ALOX12: variants seen among roughly 807,000 people sequenced by gnomAD.
ALOX12 encodes the protein polyunsaturated fatty acid lipoxygenase ALOX12.
In ALOX12, 62 loss-of-function variants were observed where a neutral mutation model predicts 85.5. That is an observed-to-expected ratio of 0.73 (90% CI 0.59 to 0.90). The LOEUF (loss-of-function observed/expected upper bound fraction) is 0.90. ALOX12 is among the 40% of genes least tolerant of loss of function. The pLI, the probability that ALOX12 is intolerant of heterozygous loss-of-function variation, is 0.00. For synonymous variants in ALOX12, 299 were observed against 332.7 expected (o/e 0.90, Z 1.10); for missense variants, 751 against 856.5 (o/e 0.88, Z 1.54).
chr17:6,997,273 C>G (rs2151638348), intron 2 of ALOX12: 1 of 472,872 alleles, frequency 2.1e-6, no homozygotes, highest in East Asian at 1.5e-4. Flanking sequence ...GAGATCCCAT[C>G]TTCCAAGAAG....
At position 6,996,802 on chromosome 17, in the gene ALOX12, C is replaced by G. The variant is rs761436579; in HGVS notation, c.136-24C>G. 7 of 1,596,314 alleles carry G rather than the reference C, an allele frequency of 4.4e-6. No individual in the cohort carries two copies. In the South Asian group the frequency reaches 6.7e-5, roughly 15 times the overall value. ...CTCAGTCGGGTCCCTCCTACTAAGT[C>G]TGGCCTGGGTCCGGCCTGCACAGGA... On this transcript the variant is annotated intron_variant, in intron 1 of 13. Coordinates refer to ENST00000251535, the MANE Select transcript of ALOX12 (RefSeq NM_000697.3).
intron 8 of ALOX12, among the ~76,000 whole-genome samples, chr17:7,004,553 T>C (rs1908943085): frequency 6.7e-6 from 1 of 150,340 alleles, no homozygotes; most frequent in Non-Finnish European, 1.5e-5. Context: ...AATATTTTAA[T>C]ATTAAAAAAA....
rs753927823 is a variant in ALOX12 at position 7,001,621 on chromosome 17, G to A, written c.971G>A (p.Ser324Asn). 1 of 1,614,072 alleles carries A rather than the reference G, an allele frequency of 6.2e-7. No individual in the cohort carries two copies. The highest frequency in any genetic ancestry group is 8.5e-7 in the Non-Finnish European group (1 of 1,179,962). Reference protein sequence around the residue: ...MVIQIQPPNPSSPTPTLFLPS... With the variant: ...MVIQIQPPNPNSPTPTLFLPS... ...TCCCAGATTCAGCCTCCCAACCCCA[G>A]CTCTCCAACCCCAACACTGTTCCTG... Residue 324 changes from serine to asparagine, a missense_variant, in exon 8 of 14, where the codon AGC becomes AAC. Physicochemically the swap from Ser to Asn is conservative, Grantham distance 46. Transcript: ENST00000251535.
At chr17:7,008,098 T>C (rs1909180309) in intron 11 of ALOX12, among the ~76,000 whole-genome samples, 1 of 152,270 alleles carries the variant, frequency 6.6e-6, no homozygotes, top group African/African-American at 2.4e-5. Flanking sequence ...ATCAAACCCA[T>C]TCAGGAGGGC....
intron 3 of ALOX12, 30 bp from the exon 4 acceptor site, chr17:6,998,685 C>T (rs1406587234): frequency 7.3e-7 from 1 of 1,366,056 alleles, no homozygotes. Flanking sequence ...ACCATGACAT[C>T]CTTCCTGAAG....
rs1480569337 is a variant in ALOX12 at position 6,998,954 on chromosome 17, G to C, written c.544G>C (p.Ala182Pro). Reference protein sequence around the residue: ...LDFEWTLKAGALEMALKRVYT... With the variant: ...LDFEWTLKAGPLEMALKRVYT... ...GTTAAGCCTCAATACCTGTCCTAGG[G>C]CTCTGGAGATGGCCCTCAAACGTGT... Residue 182 changes from alanine to proline, a missense_variant and splice_region_variant, in exon 5 of 14, where the codon GCT becomes CCT. Transcript: ENST00000251535. The C allele has an allele frequency of 1.9e-6, 3 of 1,614,040 alleles. No individual in the cohort carries two copies. In the African/African-American group the frequency reaches 4.0e-5, roughly 22 times the overall value.
intron 2 of ALOX12, 173 bp downstream of exon 2, chr17:6,997,200 CAA>C (rs1908490017): frequency 1.1e-6 from 1 of 945,178 alleles, no homozygotes; most frequent in Admixed American, 6.2e-5. Context: ...TATGAATTCC[CAA>C]AGTTTTACAC....
intron 3 of ALOX12, 54 bp downstream of exon 3, chr17:6,998,644 G>C: frequency 2.7e-6 from 4 of 1,497,754 alleles, no homozygotes; most frequent in Non-Finnish European, 2.7e-6. Flanking sequence ...CCCCTTCCCT[G>C]CCCCTGCCCC....
intron 3 of ALOX12, 38 bp from the exon 4 acceptor site, chr17:6,998,677 C>T (rs765474207): frequency 1.9e-6 from 3 of 1,613,306 alleles, no homozygotes; most frequent in Middle Eastern, 1.7e-4. Context: ...CATCACTGAC[C>T]ATGACATCCT....
At chr17:7,009,007 C>T (rs947821560) in intron 11 of ALOX12, among the ~76,000 whole-genome samples, 3 of 151,640 alleles carry the variant, frequency 2.0e-5, no homozygotes, top group African/African-American at 7.3e-5. Flanking sequence ...CTGCCTTGGC[C>T]TCCCAAAGTG....
At position 7,000,621 on chromosome 17, in the gene ALOX12, C is replaced by A; in HGVS notation, c.951+142C>A. ...TCTTCATGTCACTATTTGCCTGTAC[C>A]CTCGTCTCCCCTGCCTCATCCAACT... On this transcript the variant is annotated intron_variant, in intron 7 of 13. Coordinates refer to ENST00000251535, the MANE Select transcript of ALOX12 (RefSeq NM_000697.3). This position sits in a 1 kb window ranked among gnomAD's most constrained non-coding sequence, Gnocchi z 4.6. 2 of 948,516 alleles carry A rather than the reference C, an allele frequency of 2.1e-6. No homozygotes were observed. The highest frequency in any genetic ancestry group is 1.6e-6 in the Non-Finnish European group (1 of 638,268). The allele number at this position is 948,516 out of a possible 1,614,324, so 58.8% of individuals were successfully genotyped here.
chr17:7,009,703 C>A (rs193260763), intron 11 of ALOX12, 44 bp from the exon 12 acceptor site: 1 of 1,516,868 alleles, frequency 6.6e-7, no homozygotes, highest in South Asian at 1.1e-5. Flanking sequence ...TTGTTCCTCT[C>A]CTCTTATGCT....
chr17:7,001,698 T>G lies in ALOX12; in HGVS notation c.1048T>G (p.Ser350Ala), dbSNP rs1384266201. ...WLLAKSWVRN[S>A]DFQLHEIQYH... is the part of the protein sequence containing the mutation. The stretch of plus-strand genomic sequence containing the variant: ...CCTGGCAAAGTCCTGGGTCCGAAAT[T>G]CAGATTTCCAACTGCACGAGATCCA... The change falls in exon 8 of 14, where the codon TCA becomes GCA. Residue 350 changes from serine (S) to alanine (A), a missense_variant. Ser to Ala is a moderately conservative substitution (Grantham distance 99, BLOSUM62 1). Transcript: ENST00000251535. 5.0e-6 allele frequency: 8 copies of G among 1,613,978 alleles called. No homozygotes were observed. Among genetic ancestry groups the G allele is most frequent in the Non-Finnish European group, 6.8e-6 (8 of 1,180,028 alleles).
At chr17:7,006,745 TC>T in intron 11 of ALOX12, 138 bp downstream of exon 11, 2 of 1,199,450 alleles carry the variant, frequency 1.7e-6, no homozygotes, top group Non-Finnish European at 1.1e-6. Flanking sequence ...AGCATGTGTA[TC>T]CCATTCCCAC....
chr17:6,999,298 C>T lies in ALOX12; in HGVS notation c.647-8C>T. On this transcript the variant is annotated splice_region_variant and splice_polypyrimidine_tract_variant and intron_variant, in intron 5 of 13. Transcript: ENST00000251535. ...GTACATATATCCTCCTTTCACCGCC[C>T]ACCAAAGAGAAGGTTCGCCAGTGCT... The T allele has an allele frequency of 6.2e-7, 1 of 1,614,156 alleles. No homozygotes were observed. The highest frequency in any genetic ancestry group is 8.5e-7 in the Non-Finnish European group (1 of 1,180,018).
At position 7,005,108 on chromosome 17, in the gene ALOX12, G is replaced by A. The variant is rs1207738870; in HGVS notation, c.1162-149G>A. ...GCCCAACTCACAGGGAAGTTGGAGA[G>A]CACAAGAGTGAGTGATCAGAACAGC... On this transcript the variant is annotated intron_variant, in intron 8 of 13. Coordinates refer to ENST00000251535, the MANE Select transcript of ALOX12 (RefSeq NM_000697.3). 1.9e-5 allele frequency: 14 copies of A among 756,666 alleles called. No individual in the cohort carries two copies. The South Asian group carries it at 2.0e-4, about 11-fold the overall frequency. 46.9% of individuals were successfully genotyped at this position (756,666 alleles called of 1,614,324 possible). A position where few individuals can be genotyped will look rare whatever the true frequency, so the allele number is the denominator to read the frequency against.
Position 7,008,678 on chromosome 17 carries a change from G to A in ALOX12, c.1541-1069G>A, listed in dbSNP as rs150854718. 5.1e-4 allele frequency among the ~76,000 whole-genome samples: 78 copies of A among 151,940 alleles called. No homozygotes were observed. The East Asian group carries it at 7.0e-3, about 14-fold the overall frequency. ...GGAGAATCACTTGAACCTGAGAGGC[G>A]GAGGTTACAGTGAGCCGAGATTGTG... On this transcript the variant is annotated intron_variant, in intron 11 of 13. Transcript: ENST00000251535.
chr17:7,007,795 C>T (rs977983615), intron 11 of ALOX12, among the ~76,000 whole-genome samples: 2 of 152,116 alleles, frequency 1.3e-5, no homozygotes, highest in East Asian at 1.9e-4. Context: ...GCAGGAGAAT[C>T]GCTTGAACTT....
intron 10 of ALOX12, 38 bp downstream of exon 10, chr17:7,006,065 G>A (rs575603136): frequency 5.9e-6 from 1 of 169,700 alleles, no homozygotes; most frequent in African/African-American, 3.5e-5. Flanking sequence ...GGGGCCGGGG[G>A]GGGGGGGGGC....
Sources: gnomAD v4.1 joint callset for allele counts (sites outside exome capture counted in the v4.1 genomes callset) on GRCh38, gnomAD v4.1.1 for gene constraint, Gnocchi (gnomAD v3.1) non-coding constraint, MANE v1.5 for transcripts, NCBI Gene and HGNC (gene_info 2026-07-23, HGNC 2026-07-21) for gene names.